The following PNPLA6 variants were observed in gnomAD, a reference collection of about 807,000 sequenced individuals.
PNPLA6 encodes the protein patatin-like phospholipase domain-containing protein 6.
In PNPLA6, 105 loss-of-function variants were observed where a neutral mutation model predicts 153.7. The observed-to-expected ratio is 0.68, with a 90% CI of 0.58 to 0.80. The LOEUF (loss-of-function observed/expected upper bound fraction) is 0.80, where lower values mean the gene tolerates loss of function less well. PNPLA6 is among the 30% of genes least tolerant of loss of function. The pLI is 0.00. For synonymous variants in PNPLA6, 825 were observed against 822.2 expected, an observed-to-expected ratio of 1.00 and a Z score of -0.06; for missense variants, 1,423 against 1,919.3, an observed-to-expected ratio of 0.74 and a Z score of 4.83.
chr19:7,550,546 T>A lies in PNPLA6; in HGVS notation c.1976T>A (p.Ile659Asn). The change falls in exon 16 of 32, where the codon ATC (isoleucine) becomes AAC (asparagine). Residue 659 changes from isoleucine (I) to asparagine (N), a missense_variant. Around this residue, in one of 10 missense-constraint regions of PNPLA6, gnomAD observed 63 missense variants for 166.2 expected, o/e 0.38. Coordinates refer to ENST00000600737, the MANE Select transcript of PNPLA6 (RefSeq NM_001166114.2). ...GGCGACCGCTCCGACTGCACTTACA[T>A]CGTGCTCAATGGGCGGCTGCGTAGC... ...RQGDRSDCTY[I>N]VLNGRLRSVI... is the part of the protein sequence containing the mutation. The A allele has an allele frequency of 6.2e-7, 1 of 1,613,230 alleles. No individual in the cohort carries two copies.
In PNPLA6 at chr19:7,550,442, C is replaced by A; in HGVS notation, c.1946+13C>A. The A allele has an allele frequency of 6.2e-7, 1 of 1,611,560 alleles. No individual in the cohort carries two copies. Among genetic ancestry groups the A allele is most frequent in the Non-Finnish European group, 8.5e-7 (1 of 1,179,730 alleles). ...GCGCGCTGTACAGGTGCAGCTCCCA[C>A]CGCGCTGCTCAGGCCCGGCCTAGGG... On this transcript the variant is annotated intron_variant, in intron 15 of 31. Transcript: ENST00000600737.
At position 7,536,557 on chromosome 19, in the gene PNPLA6, G is replaced by A; in HGVS notation, c.413+11G>A. Reference sequence around the variant, plus strand: ...CAACATTGCCAAGAAGTAAGGCTGTGCTGGGTGTGACCTGGTATTAGGGGT... The same window carrying A: ...CAACATTGCCAAGAAGTAAGGCTGTACTGGGTGTGACCTGGTATTAGGGGT... On this transcript the variant is annotated intron_variant, in intron 3 of 31. Transcript: ENST00000600737. 6.3e-7 allele frequency: 1 copy of A among 1,580,034 alleles called. No homozygotes were observed. Among genetic ancestry groups the A allele is most frequent in the Non-Finnish European group, 8.7e-7 (1 of 1,148,972 alleles).
intron 13 of PNPLA6, among the ~76,000 whole-genome samples, chr19:7,544,643 G>A (rs138972518): frequency 1.0e-3 from 159 of 152,220 alleles, no homozygotes; most frequent in Non-Finnish European, 2.1e-3. Context: ...TGGGACCCCA[G>A]CTCTGCCCCA....
rs746313026 is a variant in PNPLA6, at chr19:7,540,969, A to G, written c.842A>G (p.Asp281Gly). The change falls in exon 7 of 32, where the codon GAC (aspartate) becomes GGC (glycine). Residue 281 changes from aspartate (D) to glycine (G), a missense_variant. This residue lies in a region of PNPLA6 where 118 missense variants were observed against 158.8 expected (regional missense o/e 0.74). Transcript: ENST00000600737. The surrounding 1 kb of genome is among the most constrained non-coding windows in gnomAD (Gnocchi z 6.8). ...QRTVSARAAR[D>G]STVLRLPVEA... Reference sequence around the variant, plus strand: ...ACCGTGTCTGCCCGGGCGGCCCGGGACTCCACGGTGCTGCGCCTGCCGGTG... The same window carrying G: ...ACCGTGTCTGCCCGGGCGGCCCGGGGCTCCACGGTGCTGCGCCTGCCGGTG... The G allele has an allele frequency of 7.5e-6, 12 of 1,610,678 alleles. No homozygotes were observed. In the African/African-American group the frequency reaches 1.6e-4, roughly 22 times the overall value.
intron 13 of PNPLA6, among the ~76,000 whole-genome samples, chr19:7,547,151 C>T (rs1021365344): frequency 2.0e-5 from 3 of 152,140 alleles, no homozygotes; most frequent in African/African-American, 4.8e-5. Context: ...GTGATCCATC[C>T]ACCTCAGCTT....
At chr19:7,545,273 C>T (rs1023471474) in intron 13 of PNPLA6, among the ~76,000 whole-genome samples, 12 of 152,166 alleles carry the variant, frequency 7.9e-5, no homozygotes, top group African/African-American at 1.9e-4. Flanking sequence ...GTGATCCACT[C>T]GCCTCAGCCT....
Position 7,555,345 on chromosome 19 carries a change from G to T in PNPLA6, c.2914G>T (p.Val972Leu). The change falls in exon 23 of 32, where the codon GTG becomes TTG. Residue 972 changes from valine to leucine, a missense_variant. By Grantham distance (32) the Val-to-Leu change is conservative. Transcript: ENST00000600737. The surrounding 1 kb of genome is among the most constrained non-coding windows in gnomAD (Gnocchi z 6.3). ...RVLTGNTIAL[V>L]LGGGGARGCS... ...GCTCACGGGGAACACCATTGCCCTT[G>T]TGCTAGGCGGGGGCGGGGCCAGGTG... 6.4e-7 allele frequency: 1 copy of T among 1,559,230 alleles called. No homozygotes were observed. The highest frequency in any genetic ancestry group is 8.7e-7 in the Non-Finnish European group (1 of 1,151,008).
chr19:7,542,491 C>T (rs905653705), intron 10 of PNPLA6, 70 bp from the exon 11 acceptor site: 2 of 1,187,696 alleles, frequency 1.7e-6, no homozygotes, highest in Non-Finnish European at 2.5e-6. Flanking sequence ...TGCACCACTA[C>T]ACCTGGCTCA....
chr19:7,544,067 C>G (rs1182834757), intron 13 of PNPLA6, among the ~76,000 whole-genome samples: 1 of 151,858 alleles, frequency 6.6e-6, no homozygotes, highest in East Asian at 1.9e-4. Flanking sequence ...CCCGCCTAGG[C>G]CTTCCAAAGT....
intron 3 of PNPLA6, among the ~76,000 whole-genome samples, chr19:7,537,076 C>T (rs1396450850): frequency 6.6e-6 from 1 of 152,102 alleles, no homozygotes; most frequent in Non-Finnish European, 1.5e-5. Context: ...ACCTCAGTGA[C>T]CTTCTCCTTC....
intron 17 of PNPLA6, 43 bp from the exon 18 acceptor site, chr19:7,551,319 G>T (rs940820905): frequency 1.3e-6 from 2 of 1,589,194 alleles, no homozygotes; most frequent in Admixed American, 3.3e-5. Context: ...CTGGACAGCC[G>T]CTTCCCAGGT....
Position 7,555,195 on chromosome 19 carries a change from T to TCCGCCGGAC in PNPLA6, c.2818-51_2818-43dup. On this transcript the variant is annotated intron_variant, in intron 22 of 31. Coordinates refer to ENST00000600737, the MANE Select transcript of PNPLA6 (RefSeq NM_001166114.2). The surrounding 1 kb of genome is among the most constrained non-coding windows in gnomAD (Gnocchi z 6.3). ...CGAAGGTCAGGGTACCCCTGGGGGA[T>TCCGCCGGAC]CCGCCGGACCCCGCCCTCATGCTCC... 6.5e-7 allele frequency: 1 copy of TCCGCCGGAC among 1,526,906 alleles called. No individual in the cohort carries two copies. Among genetic ancestry groups the TCCGCCGGAC allele is most frequent in the Admixed American group, 1.9e-5 (1 of 53,286 alleles). 94.6% of individuals were successfully genotyped at this position (1,526,906 alleles called of 1,614,324 possible).
chr19:7,556,727 G>C lies in PNPLA6; in HGVS notation c.3280+3G>C. On this transcript the variant is annotated splice_donor_region_variant and intron_variant, in intron 26 of 31. Transcript: ENST00000600737. ...AGCCATGCGAGTCCACAAAGATGGT[G>C]GGTGTCCCCGCCCAGCCTGCAGCAA... The C allele has an allele frequency of 6.2e-7, 1 of 1,610,066 alleles. No homozygotes were observed. The highest frequency in any genetic ancestry group is 2.2e-5 in the East Asian group (1 of 44,850).
intron 10 of PNPLA6, 44 bp from the exon 11 acceptor site, chr19:7,542,517 A>G (rs1162859625): frequency 1.4e-6 from 2 of 1,434,800 alleles, no homozygotes; most frequent in Non-Finnish European, 2.0e-6. Flanking sequence ...TAAAAATCTT[A>G]CTCTCATCTT....
chr19:7,557,940 A>G (rs1222209061), intron 27 of PNPLA6, among the ~76,000 whole-genome samples: 1 of 152,226 alleles, frequency 6.6e-6, no homozygotes, highest in East Asian at 1.9e-4. Context: ...CACACCAGCT[A>G]TATATGCACA....
Position 7,542,883 on chromosome 19 carries a change from C to G in PNPLA6, c.1485C>G (p.Ile495Met). The G allele has an allele frequency of 6.2e-7, 1 of 1,613,428 alleles. No individual in the cohort carries two copies. Among genetic ancestry groups the G allele is most frequent in the Non-Finnish European group, 8.5e-7 (1 of 1,179,892 alleles). Reference sequence around the variant, plus strand: ...ACCAGGGCCGCCAGACCAGCAGCATCTTCGAGGCAGCAAAGCAGGAGCTGG... The same window carrying G: ...ACCAGGGCCGCCAGACCAGCAGCATGTTCGAGGCAGCAAAGCAGGAGCTGG... ...GPYQGRQTSS[I>M]FEAAKQELAK... Residue 495 changes from isoleucine to methionine, a missense_variant, in exon 12 of 32, where the codon ATC (isoleucine) becomes ATG (methionine). By Grantham distance (10) the Ile-to-Met change is conservative (BLOSUM62 1). Coordinates refer to ENST00000600737, the MANE Select transcript of PNPLA6 (RefSeq NM_001166114.2).
At chr19:7,550,817 C>A in intron 16 of PNPLA6, 177 bp downstream of exon 16, 1 of 950,060 alleles carries the variant, frequency 1.1e-6, no homozygotes. Flanking sequence ...TTCCGCCTGT[C>A]GTGGATCCCT....
chr19:7,536,617 C>T (rs1599265051), intron 3 of PNPLA6, 71 bp downstream of exon 3: 1 of 1,007,720 alleles, frequency 9.9e-7, no homozygotes, highest in East Asian at 2.4e-5. Flanking sequence ...CAGCTTACAC[C>T]AAAGTGTTGT....
chr19:7,542,079 TG>T lies in PNPLA6; in HGVS notation c.1252+15del. On this transcript the variant is annotated intron_variant, in intron 10 of 31. Coordinates refer to ENST00000600737, the MANE Select transcript of PNPLA6 (RefSeq NM_001166114.2). The stretch of plus-strand genomic sequence containing the variant: ...AGGGGACATCTCAGGTTTGGAGCAC[TG>T]GGTCTGCGGGGAGGGCCATGGAGCT... 6.2e-7 allele frequency: 1 copy of T among 1,601,772 alleles called. No homozygotes were observed. The highest frequency in any genetic ancestry group is 2.2e-5 in the East Asian group (1 of 44,866).
Sources: allele counts gnomAD v4.1 joint callset (sites outside exome capture counted in the v4.1 genomes callset), GRCh38; gene constraint gnomAD v4.1.1; regional missense constraint gnomAD v4.1.1; non-coding constraint Gnocchi (gnomAD v3.1); transcripts MANE v1.5; gene names NCBI Gene and HGNC (gene_info 2026-07-23, HGNC 2026-07-21).